APLF: variants seen among roughly 807,000 people sequenced by gnomAD.
APLF encodes the protein aprataxin and PNK-like factor.
Under a neutral mutation model 55.6 loss-of-function variants are expected in APLF, and 61 were observed. That is an observed-to-expected ratio of 1.10 (90% CI 0.89 to 1.36). The LOEUF (loss-of-function observed/expected upper bound fraction) is 1.36. Among genes scored for constraint, APLF ranks in the 40% most tolerant of loss-of-function variants. The pLI is 0.00. For missense variants in APLF, 611 were observed against 602.5 expected, an observed-to-expected ratio of 1.01 and a Z score of -0.15; for synonymous variants, 207 against 214.8, an observed-to-expected ratio of 0.96 and a Z score of 0.32.
chr2:68,499,775 T>C (rs192401106), intron 2 of APLF, among the ~76,000 whole-genome samples: 5 of 152,128 alleles, frequency 3.3e-5, no homozygotes, highest in African/African-American at 4.8e-5. Context: ...GAGGCAGAGG[T>C]TGTAGTGAGT....
chr2:68,523,015 T>A (rs569982511), intron 5 of APLF, among the ~76,000 whole-genome samples: 1 of 151,940 alleles, frequency 6.6e-6, no homozygotes, highest in Admixed American at 6.6e-5. Context: ...GGAAAAATAC[T>A]TCTATGCAAA....
intron 7 of APLF, among the ~76,000 whole-genome samples, chr2:68,541,745 T>A (rs114352691): frequency 0.017 from 2,600 of 152,292 alleles, 41 homozygotes; most frequent in Non-Finnish European, 0.025. Flanking sequence ...ATCTACAGAA[T>A]TAATGCAATC....
intron 5 of APLF, among the ~76,000 whole-genome samples, chr2:68,518,250 A>ATAT (rs1476042277): frequency 1.7e-5 from 2 of 118,846 alleles, no homozygotes; most frequent in Non-Finnish European, 3.2e-5. Context: ...TATAATGTTA[A>ATAT]TATATTATGA....
At chr2:68,537,721 T>A (rs1363642491) in intron 6 of APLF, 151 bp from the exon 7 acceptor site, 4 of 645,032 alleles carry the variant, frequency 6.2e-6, no homozygotes, top group Non-Finnish European at 7.7e-6. Context: ...ACTAAGCGCA[T>A]AGAAAATAGT....
chr2:68,554,150 A>G (rs1368342701), intron 8 of APLF, among the ~76,000 whole-genome samples: 1 of 152,088 alleles, frequency 6.6e-6, no homozygotes, highest in African/African-American at 2.4e-5. Context: ...GTATATGGGT[A>G]TATATTTCAT....
In APLF at chr2:68,496,811, T is replaced by A. The variant is rs543434587; in HGVS notation, c.169-5920T>A. On this transcript the variant is annotated intron_variant, in intron 2 of 9. Coordinates refer to ENST00000303795, the MANE Select transcript of APLF (RefSeq NM_173545.3). ...TTCCTCATTTCCATCTGAGACCTCC[T>A]TAGCCTGGACGTCATTGTCCATATC... Among the ~76,000 whole-genome samples, 14 of 152,342 alleles carry A rather than the reference T, an allele frequency of 9.2e-5. No individual in the cohort carries two copies. The East Asian group carries it at 1.7e-3, about 19-fold the overall frequency.
intron 6 of APLF, among the ~76,000 whole-genome samples, chr2:68,534,817 C>G (rs1670344032): frequency 6.6e-6 from 1 of 152,176 alleles, no homozygotes; most frequent in Non-Finnish European, 1.5e-5. Flanking sequence ...TCCATGTTTC[C>G]TGTTCCCTCA....
At chr2:68,512,299 A>G (rs938694758) in intron 3 of APLF, among the ~76,000 whole-genome samples, 2 of 151,682 alleles carry the variant, frequency 1.3e-5, no homozygotes, top group African/African-American at 2.4e-5. Flanking sequence ...GAGTAATACA[A>G]TATACCTTTT....
At chr2:68,494,730 A>T (rs965974785) in intron 2 of APLF, among the ~76,000 whole-genome samples, 1 of 151,846 alleles carries the variant, frequency 6.6e-6, no homozygotes, top group Non-Finnish European at 1.5e-5. Flanking sequence ...TTCACCTCCC[A>T]CTTATAAGTG....
chr2:68,502,292 TTAG>T (rs1676745666), intron 2 of APLF, among the ~76,000 whole-genome samples: 1 of 152,090 alleles, frequency 6.6e-6, no homozygotes, highest in South Asian at 2.1e-4. Context: ...TAATAAGAAA[TTAG>T]TAGGAGAAAA....
chr2:68,514,126 A>G (rs769761729), intron 5 of APLF, among the ~76,000 whole-genome samples: 12 of 151,742 alleles, frequency 7.9e-5, no homozygotes, highest in Non-Finnish European at 1.6e-4. Context: ...TGTACTTTTC[A>G]GTTCTGGAAT....
At chr2:68,535,544 G>A (rs370157452) in intron 6 of APLF, among the ~76,000 whole-genome samples, 6 of 150,008 alleles carry the variant, frequency 4.0e-5, no homozygotes, top group Middle Eastern at 7.1e-3. Flanking sequence ...TTTAATGTCT[G>A]CATAGTATTT....
At chr2:68,509,186 A>G (rs1032805193) in intron 3 of APLF, among the ~76,000 whole-genome samples, 3 of 152,162 alleles carry the variant, frequency 2.0e-5, no homozygotes, top group South Asian at 4.1e-4. Context: ...CTAAAACACC[A>G]AAAGCAATGG....
chr2:68,566,109 T>C (rs1671304811), intron 8 of APLF, among the ~76,000 whole-genome samples: 1 of 152,026 alleles, frequency 6.6e-6, no homozygotes, highest in African/African-American at 2.4e-5. Flanking sequence ...TCCACTGCAG[T>C]AGATGTGGAA....
chr2:68,496,029 C>T (rs1482269594), intron 2 of APLF, among the ~76,000 whole-genome samples: 1 of 152,208 alleles, frequency 6.6e-6, no homozygotes, highest in Non-Finnish European at 1.5e-5. Flanking sequence ...AGAGGGGCTG[C>T]CATGAAGGTC....
At chr2:68,576,518 T>A (rs1050129740) in intron 9 of APLF, among the ~76,000 whole-genome samples, 2 of 152,194 alleles carry the variant, frequency 1.3e-5, no homozygotes, top group African/African-American at 2.4e-5. Flanking sequence ...TTTGATGCTC[T>A]ATTTTTAATA....
In APLF at chr2:68,519,003, T is replaced by G. The variant is rs529472655; in HGVS notation, c.622+5323T>G. On this transcript the variant is annotated intron_variant, in intron 5 of 9. Transcript: ENST00000303795. ...TAATATACAATATCTGATAATATATTATTAATATATAATAATATATAATAT... is the reference window on the plus strand; with the variant it reads ...TAATATACAATATCTGATAATATATGATTAATATATAATAATATATAATAT... 6.5e-3 allele frequency among the ~76,000 whole-genome samples: 744 copies of G among 114,476 alleles called. 5 individuals carry two copies. Among genetic ancestry groups the G allele is most frequent in the African/African-American group, 0.03 (698 of 23,232 alleles). 75.1% of individuals were successfully genotyped at this position (114,476 alleles called of 152,430 possible).
chr2:68,491,654 A>T (rs1359718029), intron 2 of APLF, among the ~76,000 whole-genome samples: 1 of 152,194 alleles, frequency 6.6e-6, no homozygotes, highest in Non-Finnish European at 1.5e-5. Flanking sequence ...AGATTTAGGG[A>T]GTGCAGTGCA....
At chr2:68,494,384 C>G (rs182331450) in intron 2 of APLF, among the ~76,000 whole-genome samples, 30 of 151,256 alleles carry the variant, frequency 2.0e-4, no homozygotes, top group Admixed American at 1.2e-3. Flanking sequence ...TTTGGTGAAG[C>G]CTTAGGGAAC....
Sources: allele counts gnomAD v4.1 joint callset (sites outside exome capture counted in the v4.1 genomes callset), GRCh38; gene constraint gnomAD v4.1.1; transcripts MANE v1.5; gene names NCBI Gene and HGNC (gene_info 2026-07-23, HGNC 2026-07-21).